The following SLC4A10 variants were observed in gnomAD, a reference collection of about 807,000 sequenced individuals.
The protein encoded by SLC4A10 is sodium-driven chloride bicarbonate exchanger.
SLC4A10 carries 42 observed loss-of-function variants against 137.7 expected under a neutral mutation model. The ratio of observed to expected loss-of-function variants is 0.30; its 90% CI spans 0.24 to 0.39. The LOEUF (loss-of-function observed/expected upper bound fraction) is 0.39, where lower values mean the gene tolerates loss of function less well. Ranked by LOEUF, SLC4A10 falls within the 10% of genes least tolerant of loss-of-function variation. SLC4A10 has a pLI of 1.00. For missense variants in SLC4A10, 925 were observed against 1,355.0 expected, an observed-to-expected ratio of 0.68 and a Z score of 4.98; for synonymous variants, 474 against 464.1, an observed-to-expected ratio of 1.02 and a Z score of -0.27.
chr2:161,847,215 T>A (rs1452957639), intron 4 of SLC4A10, among the ~76,000 whole-genome samples: 2 of 151,824 alleles, frequency 1.3e-5, no homozygotes, highest in African/African-American at 4.8e-5. Flanking sequence ...AGCACTCCAG[T>A]CTGGATGACA....
intron 1 of SLC4A10, among the ~76,000 whole-genome samples, chr2:161,719,131 C>T (rs1040147684): frequency 6.6e-6 from 1 of 151,994 alleles, no homozygotes; most frequent in South Asian, 2.1e-4. Context: ...TCAGTTCCCA[C>T]CTATGAGTGA....
intron 1 of SLC4A10, among the ~76,000 whole-genome samples, chr2:161,697,714 T>C (rs2042682421): frequency 6.6e-6 from 1 of 152,218 alleles, no homozygotes; most frequent in Non-Finnish European, 1.5e-5. Flanking sequence ...TGTAGGCTTG[T>C]AGTATAGTTT....
intron 15 of SLC4A10, among the ~76,000 whole-genome samples, chr2:161,908,563 G>A (rs1301338326): frequency 6.7e-5 from 10 of 150,290 alleles, no homozygotes; most frequent in African/African-American, 2.2e-4. Context: ...TTGTGCACAT[G>A]TACCCTAAAA....
chr2:161,651,492 CAAG>C (rs1352900128), intron 1 of SLC4A10, among the ~76,000 whole-genome samples: 2 of 152,222 alleles, frequency 1.3e-5, no homozygotes, highest in African/African-American at 2.4e-5. Flanking sequence ...TTGCAAGTGA[CAAG>C]AAGGAGAGAA....
chr2:161,940,648 G>A (rs1692512847), intron 15 of SLC4A10, among the ~76,000 whole-genome samples: 1 of 152,164 alleles, frequency 6.6e-6, no homozygotes, highest in Admixed American at 6.6e-5. Flanking sequence ...TCAAGATAAA[G>A]GTATTCTCAA....
chr2:161,903,903 G>A (rs745750473), intron 12 of SLC4A10, 101 bp from the exon 13 acceptor site: 3 of 1,217,886 alleles, frequency 2.5e-6, no homozygotes, highest in Non-Finnish European at 3.4e-6. Flanking sequence ...CTCTGCTGAT[G>A]GAAAACGTAT....
chr2:161,641,607 ACTTT>A (rs2035335213), intron 1 of SLC4A10, among the ~76,000 whole-genome samples: 1 of 152,094 alleles, frequency 6.6e-6, no homozygotes, highest in African/African-American at 2.4e-5. Flanking sequence ...ATATAGTAGT[ACTTT>A]CTATTTAGAT....
intron 1 of SLC4A10, among the ~76,000 whole-genome samples, chr2:161,667,380 C>T (rs1428627464): frequency 6.6e-6 from 1 of 151,566 alleles, no homozygotes; most frequent in Admixed American, 6.6e-5. Flanking sequence ...GGCTTAGACT[C>T]TAGTGGGGAA....
chr2:161,938,220 G>A (rs908534630), intron 15 of SLC4A10, among the ~76,000 whole-genome samples: 3 of 152,102 alleles, frequency 2.0e-5, no homozygotes, highest in South Asian at 2.1e-4. Context: ...GCAGTGAACC[G>A]AGATCATGCC....
intron 3 of SLC4A10, among the ~76,000 whole-genome samples, chr2:161,832,037 G>GT (rs1309035736): frequency 6.6e-6 from 1 of 152,050 alleles, no homozygotes; most frequent in Non-Finnish European, 1.5e-5. Context: ...CAAAGGGTAG[G>GT]TTTTTTATCT....
At chr2:161,818,102 C>G (rs1330090034) in intron 3 of SLC4A10, among the ~76,000 whole-genome samples, 2 of 152,082 alleles carry the variant, frequency 1.3e-5, no homozygotes, top group African/African-American at 4.8e-5. Flanking sequence ...TTGATTCTTC[C>G]TACCCATGAG....
chr2:161,825,560 A>G (rs1024689015), intron 3 of SLC4A10, among the ~76,000 whole-genome samples: 1 of 152,092 alleles, frequency 6.6e-6, no homozygotes, highest in Admixed American at 6.5e-5. Flanking sequence ...GCAGCCCAAG[A>G]TGACTCTATA....
intron 10 of SLC4A10, among the ~76,000 whole-genome samples, chr2:161,892,715 A>G (rs1002334414): frequency 1.3e-5 from 2 of 152,120 alleles, no homozygotes; most frequent in African/African-American, 2.4e-5. Context: ...AGAATAATAT[A>G]GGAGTCCTTA....
At chr2:161,652,370 T>C (rs772025889) in intron 1 of SLC4A10, among the ~76,000 whole-genome samples, 5 of 152,204 alleles carry the variant, frequency 3.3e-5, no homozygotes, top group Non-Finnish European at 5.9e-5. Flanking sequence ...GCTTTGGGCA[T>C]TGGTAATTTT....
At chr2:161,813,095 G>A (rs1456226355) in intron 3 of SLC4A10, among the ~76,000 whole-genome samples, 1 of 151,738 alleles carries the variant, frequency 6.6e-6, no homozygotes, top group African/African-American at 2.4e-5. Context: ...ATTTCTGGAC[G>A]TTTTCATTTT....
At chr2:161,945,677 T>C (rs1386748037) in intron 16 of SLC4A10, among the ~76,000 whole-genome samples, 2 of 151,852 alleles carry the variant, frequency 1.3e-5, no homozygotes, top group Non-Finnish European at 2.9e-5. Context: ...AAAATAATTG[T>C]TGAATTTAGC....
At chr2:161,702,543 T>C (rs2043235411) in intron 1 of SLC4A10, among the ~76,000 whole-genome samples, 1 of 151,836 alleles carries the variant, frequency 6.6e-6, no homozygotes, top group Non-Finnish European at 1.5e-5. Context: ...TCCCAAGTTA[T>C]TCCTTGGCTG....
At chr2:161,751,672 CT>C (rs540591586) in intron 1 of SLC4A10, among the ~76,000 whole-genome samples, 94 of 151,762 alleles carry the variant, frequency 6.2e-4, no homozygotes, top group African/African-American at 2.2e-3. Flanking sequence ...CACCATCCTC[CT>C]TTTTTGGGTC....
At chr2:161,949,120 A>C (rs202177476) in intron 17 of SLC4A10, 28 bp from the exon 18 acceptor site, 1 of 1,455,444 alleles carries the variant, frequency 6.9e-7, no homozygotes, top group Non-Finnish European at 9.6e-7. Flanking sequence ...TAGCTACTTT[A>C]AGTGACAAGT....
Sources: gnomAD v4.1 joint callset for allele counts (sites outside exome capture counted in the v4.1 genomes callset) on GRCh38, gnomAD v4.1.1 for gene constraint, MANE v1.5 for transcripts, NCBI Gene and HGNC (gene_info 2026-07-23, HGNC 2026-07-21) for gene names.